The following NUP210 variants were observed in gnomAD, a reference collection of about 807,000 sequenced individuals.
The protein encoded by NUP210 is nucleoporin 210, also known as nuclear pore membrane glycoprotein 210.
A neutral mutation model predicts 196.0 loss-of-function variants in NUP210; 151 were observed. The observed-to-expected ratio is 0.77, with a 90% CI of 0.67 to 0.88. The LOEUF is 0.88. Ranked by LOEUF, NUP210 falls within the 40% of genes least tolerant of loss-of-function variation. The pLI is 0.00. For missense variants in NUP210, 2,314 were observed against 2,493.7 expected (o/e 0.93, Z 1.53); for synonymous variants, 1,070 against 1,052.7 (o/e 1.02, Z -0.32).
intron 12 of NUP210, among the ~76,000 whole-genome samples, chr3:13,373,399 C>T (rs1698795145): frequency 6.6e-6 from 1 of 152,238 alleles, no homozygotes; most frequent in Admixed American, 6.5e-5. Context: ...CAACCCAGTG[C>T]TTGGTGGACC....
chr3:13,316,764 T>G lies in NUP210; in HGVS notation c.*917A>C, dbSNP rs1576332246. On this transcript the variant is annotated 3_prime_UTR_variant, in exon 40 of 40. Transcript: ENST00000254508. Reference sequence around the variant, plus strand: ...AGGCGGTGGCTCAGATCTGCTGAGGTTCTGGAGTGGCACAGGAACAGGAGG... The same window carrying G: ...AGGCGGTGGCTCAGATCTGCTGAGGGTCTGGAGTGGCACAGGAACAGGAGG... 1 of 152,380 alleles carries G rather than the reference T, an allele frequency of 6.6e-6. No individual in the cohort carries two copies. Among genetic ancestry groups the G allele is most frequent in the African/African-American group, 2.4e-5 (1 of 41,572 alleles). The allele number at this position is 152,380 out of a possible 1,614,324, so 9.4% of individuals were successfully genotyped here. A position where few individuals can be genotyped will look rare whatever the true frequency, so the allele number is the denominator to read the frequency against.
In NUP210 at chr3:13,366,008, AG is replaced by A; in HGVS notation, c.1869del (p.Tyr624ThrfsTer8). Reference sequence around the variant, plus strand: ...CTCAGGTGGACGTGGCCGTGTCTGTAGCTCACAAGAAGCGTGGTAGAGCCCT... The same window carrying A: ...CTCAGGTGGACGTGGCCGTGTCTGTACTCACAAGAAGCGTGGTAGAGCCCT... ...EAQGSTTLLV[S>X]YRHGHVHLSA... is the part of the protein sequence containing the mutation. On this transcript the variant is annotated frameshift_variant, in exon 14 of 40. Transcript: ENST00000254508. LOFTEE classifies it high-confidence loss of function. 6.2e-7 allele frequency: 1 copy of A among 1,614,228 alleles called. No individual in the cohort carries two copies. Among genetic ancestry groups the A allele is most frequent in the Non-Finnish European group, 8.5e-7 (1 of 1,180,044 alleles).
chr3:13,356,370 C>T (rs756183744), intron 16 of NUP210, among the ~76,000 whole-genome samples: 1 of 152,226 alleles, frequency 6.6e-6, no homozygotes, highest in Non-Finnish European at 1.5e-5. Context: ...ACTGGCCAGG[C>T]ATGGTGGCTC....
At chr3:13,374,598 G>A (rs1698839608) in intron 11 of NUP210, among the ~76,000 whole-genome samples, 1 of 152,092 alleles carries the variant, frequency 6.6e-6, no homozygotes, top group Non-Finnish European at 1.5e-5. Context: ...CCATGACAGA[G>A]GCCCCAGAAC....
intron 1 of NUP210, among the ~76,000 whole-genome samples, chr3:13,417,084 C>T (rs1198755865): frequency 6.6e-6 from 1 of 152,108 alleles, no homozygotes; most frequent in Non-Finnish European, 1.5e-5. Context: ...TGGCTGGGTG[C>T]AGTTGGAGAG....
rs934935665 is a variant in NUP210 at position 13,365,982 on chromosome 3, A to G, written c.1896T>C (p.Ser632=). Residue 632 remains serine, a synonymous_variant, in exon 14 of 40, where the codon AGT becomes AGC. Coordinates refer to ENST00000254508, the MANE Select transcript of NUP210 (RefSeq NM_024923.4). ...VSYRHGHVHL[S]AKITIAAYLP... is the part of the protein sequence containing the mutation. ...GGTAGGCAGCAATGGTGATCTTGGC[A>G]CTCAGGTGGACGTGGCCGTGTCTGT... 3 of 1,614,148 alleles carry G rather than the reference A, an allele frequency of 1.9e-6. No homozygotes were observed. The highest frequency in any genetic ancestry group is 1.7e-5 in the Admixed American group (1 of 60,016).
rs369590512 is a variant in NUP210 at position 13,358,281 on chromosome 3, C to G, written c.2269G>C (p.Val757Leu). 1.2e-6 allele frequency: 2 copies of G among 1,613,580 alleles called. No individual in the cohort carries two copies. The highest frequency in any genetic ancestry group is 1.3e-5 in the African/African-American group (1 of 74,868). The change falls in exon 16 of 40, where the codon GTC becomes CTC. Residue 757 changes from valine to leucine, a missense_variant. Coordinates refer to ENST00000254508, the MANE Select transcript of NUP210 (RefSeq NM_024923.4). ...APPSRLTLAP[V>L]YTSPQLDMSC... ...ATGTCCAGCTGGGGGCTGGTGTAGA[C>G]AGGCGCGAGGGTGAGCCTGGACGGT...
intron 13 of NUP210, among the ~76,000 whole-genome samples, chr3:13,370,802 G>C (rs996672323): frequency 6.6e-6 from 1 of 152,192 alleles, no homozygotes; most frequent in Non-Finnish European, 1.5e-5. Context: ...CAGCCACTTG[G>C]CACCACAGGC....
At chr3:13,385,453 T>C (rs1241485054) in intron 6 of NUP210, among the ~76,000 whole-genome samples, 3 of 152,228 alleles carry the variant, frequency 2.0e-5, no homozygotes, top group Non-Finnish European at 2.9e-5. Context: ...TGGCGCTCCA[T>C]TGAGAACCGT....
intron 4 of NUP210, among the ~76,000 whole-genome samples, chr3:13,390,713 C>T (rs1531738): frequency 0.58 from 87,847 of 151,738 alleles, 26,658 homozygotes; most frequent in African/African-American, 0.77. Flanking sequence ...CACAGTGGTG[C>T]GCAAGCTCAT....
At chr3:13,380,098 G>A (rs193149812) in intron 6 of NUP210, among the ~76,000 whole-genome samples, 2 of 152,240 alleles carry the variant, frequency 1.3e-5, no homozygotes, top group Non-Finnish European at 2.9e-5. Flanking sequence ...CAGCCTCTAG[G>A]GGTTTCCCAA....
Position 13,379,129 on chromosome 3 carries a change from G to A in NUP210, c.977-149C>T, listed in dbSNP as rs745354604. 2 of 691,898 alleles carry A rather than the reference G, an allele frequency of 2.9e-6. No individual in the cohort carries two copies. Among genetic ancestry groups the A allele is most frequent in the Non-Finnish European group, 5.2e-6 (2 of 385,810 alleles). 42.9% of individuals were successfully genotyped at this position (691,898 alleles called of 1,614,324 possible). On this transcript the variant is annotated intron_variant, in intron 7 of 39. Transcript: ENST00000254508. The surrounding 1 kb of genome is among the most constrained non-coding windows in gnomAD (Gnocchi z 4.2). ...ACTCCCCTGGCTTAGGCCACGTAGA[G>A]CAAAGGCACTTTTCAGAATCAAAGG...
intron 5 of NUP210, 98 bp downstream of exon 5, chr3:13,388,205 T>G: frequency 1.2e-6 from 1 of 861,876 alleles, no homozygotes; most frequent in Non-Finnish European, 1.8e-6. Flanking sequence ...ACTTCCACTA[T>G]TCAACGTGCC....
At chr3:13,362,686 C>G (rs1698411149) in intron 14 of NUP210, among the ~76,000 whole-genome samples, 1 of 152,218 alleles carries the variant, frequency 6.6e-6, no homozygotes. Flanking sequence ...CACACACAAA[C>G]AATTCCAAGG....
At position 13,327,222 on chromosome 3, in the gene NUP210, A is replaced by T; in HGVS notation, c.4502T>A (p.Leu1501Gln). The change falls in exon 32 of 40, where the codon CTG becomes CAG. Residue 1501 changes from leucine to glutamine, a missense_variant. Physicochemically the swap from Leu to Gln is moderately radical, Grantham distance 113 (BLOSUM62 -2). Coordinates refer to ENST00000254508, the MANE Select transcript of NUP210 (RefSeq NM_024923.4). ...TTGCTCAGGATCTATCTTACCTTCC[A>T]GGCTGGTCAGAACAGTGGCCAGACA... is the stretch of plus-strand genomic sequence containing the variant. ...VLCLATVLTS[L>Q]EGLSGTWSSS... The T allele has an allele frequency of 6.2e-7, 1 of 1,612,512 alleles. No individual in the cohort carries two copies. The highest frequency in any genetic ancestry group is 8.5e-7 in the Non-Finnish European group (1 of 1,179,592).
At chr3:13,334,472 G>C (rs1697127573) in intron 28 of NUP210, among the ~76,000 whole-genome samples, 1 of 152,056 alleles carries the variant, frequency 6.6e-6, no homozygotes. Flanking sequence ...AGATCGGTGG[G>C]GGTTTTTTTG....
intron 1 of NUP210, among the ~76,000 whole-genome samples, chr3:13,411,674 T>A (rs533839889): frequency 6.6e-6 from 1 of 152,218 alleles, no homozygotes; most frequent in Non-Finnish European, 1.5e-5. Flanking sequence ...CTCCCCACCA[T>A]CAGGCTCCTC....
At chr3:13,346,898 G>A (rs868077476) in intron 20 of NUP210, among the ~76,000 whole-genome samples, 1 of 152,376 alleles carries the variant, frequency 6.6e-6, no homozygotes, top group Middle Eastern at 3.4e-3. Flanking sequence ...CAGGCACTGA[G>A]TGGGGCCCTG....
chr3:13,341,490 T>C (rs1211389382), intron 23 of NUP210, among the ~76,000 whole-genome samples: 1 of 152,180 alleles, frequency 6.6e-6, no homozygotes, highest in East Asian at 1.9e-4. Flanking sequence ...GGCACACCCC[T>C]TCTCTGAGCC....
Sources: allele counts gnomAD v4.1 joint callset (sites outside exome capture counted in the v4.1 genomes callset), GRCh38; gene constraint gnomAD v4.1.1; non-coding constraint Gnocchi (gnomAD v3.1); transcripts MANE v1.5; gene names NCBI Gene and HGNC (gene_info 2026-07-23, HGNC 2026-07-21).